Variants in VSNL1 observed in about 807,000 individuals in gnomAD.
VSNL1 encodes visinin like 1, also known as visinin-like protein 1.
Under a neutral mutation model 20.4 loss-of-function variants are expected in VSNL1, and 6 were observed. The ratio of observed to expected loss-of-function variants is 0.29; its 90% CI spans 0.16 to 0.58. The LOEUF (loss-of-function observed/expected upper bound fraction) is 0.58, where lower values mean the gene tolerates loss of function less well. Among genes scored for constraint, VSNL1 ranks in the 20% least tolerant of loss-of-function variants. The pLI is 0.90. For missense variants in VSNL1, 100 were observed against 234.5 expected, an observed-to-expected ratio of 0.43 and a Z score of 3.75; for synonymous variants, 93 against 86.4, an observed-to-expected ratio of 1.08 and a Z score of -0.42.
At chr2:17,652,351 T>C (rs1666139935) in intron 3 of VSNL1, among the ~76,000 whole-genome samples, 1 of 152,084 alleles carries the variant, frequency 6.6e-6, no homozygotes, top group African/African-American at 2.4e-5. Context: ...AAACACACTG[T>C]TTTGTGGGGA....
At chr2:17,647,589 G>A (rs774321046) in intron 2 of VSNL1, among the ~76,000 whole-genome samples, 2 of 152,172 alleles carry the variant, frequency 1.3e-5, no homozygotes, top group Non-Finnish European at 2.9e-5. Flanking sequence ...CTGTCCTCAG[G>A]TACCAAGCAC....
chr2:17,648,942 G>A (rs1443388362), intron 2 of VSNL1, among the ~76,000 whole-genome samples: 1 of 152,228 alleles, frequency 6.6e-6, no homozygotes, highest in Non-Finnish European at 1.5e-5. Context: ...CAGGACGAGG[G>A]CTGGTGGCAG....
chr2:17,607,023 A>G (rs2555085), intron 2 of VSNL1, among the ~76,000 whole-genome samples: 1,856 of 152,286 alleles, frequency 0.012, 35 homozygotes, highest in African/African-American at 0.043. Context: ...CAGAGTAGAA[A>G]GGGACTGGGA....
chr2:17,583,689 G>A (rs1011876313), intron 1 of VSNL1, among the ~76,000 whole-genome samples: 8 of 152,350 alleles, frequency 5.3e-5, no homozygotes, highest in African/African-American at 1.9e-4. Flanking sequence ...TTGATGCTTA[G>A]TTGGGGCTGT....
intron 2 of VSNL1, among the ~76,000 whole-genome samples, chr2:17,648,315 G>A (rs1666041918): frequency 6.6e-6 from 1 of 152,220 alleles, no homozygotes; most frequent in African/African-American, 2.4e-5. Flanking sequence ...GCAGGACCCA[G>A]GTCAGGATGC....
At chr2:17,542,448 G>A (rs564308367) in intron 1 of VSNL1, among the ~76,000 whole-genome samples, 1 of 152,266 alleles carries the variant, frequency 6.6e-6, no homozygotes, top group East Asian at 1.9e-4. Context: ...CCCTCAAATC[G>A]GGTGTGGGGG....
intron 2 of VSNL1, among the ~76,000 whole-genome samples, chr2:17,641,978 C>T (rs943645916): frequency 6.6e-6 from 1 of 152,198 alleles, no homozygotes; most frequent in African/African-American, 2.4e-5. Context: ...AAAAATTTTA[C>T]TTCCAGAATC....
At chr2:17,595,074 A>G (rs922084620) in intron 2 of VSNL1, among the ~76,000 whole-genome samples, 1 of 152,156 alleles carries the variant, frequency 6.6e-6, no homozygotes, top group Non-Finnish European at 1.5e-5. Context: ...TCCACCATAC[A>G]GCTGCTGGAG....
intron 2 of VSNL1, among the ~76,000 whole-genome samples, chr2:17,626,591 A>G (rs1302286692): frequency 8.8e-6 from 1 of 113,742 alleles, no homozygotes; most frequent in Non-Finnish European, 1.6e-5. Context: ...TCTGCAGAGG[A>G]GCAAAGAGAA....
chr2:17,602,829 G>A (rs985167010), intron 2 of VSNL1, among the ~76,000 whole-genome samples: 3 of 151,948 alleles, frequency 2.0e-5, no homozygotes, highest in Non-Finnish European at 4.4e-5. Flanking sequence ...TAGTAATAGA[G>A]AAGCTATTAG....
At chr2:17,637,205 G>A (rs180808525) in intron 2 of VSNL1, among the ~76,000 whole-genome samples, 11 of 152,330 alleles carry the variant, frequency 7.2e-5, no homozygotes, top group Non-Finnish European at 1.5e-4. Context: ...GGGGAGCCCG[G>A]AGAGCCTGTC....
At chr2:17,555,037 A>G (rs1663640261) in intron 1 of VSNL1, among the ~76,000 whole-genome samples, 1 of 148,282 alleles carries the variant, frequency 6.7e-6, no homozygotes, top group African/African-American at 2.4e-5. Flanking sequence ...TACCACTTAA[A>G]GGAAAATCTT....
In VSNL1 at chr2:17,649,784, A is replaced by G. The variant is rs1666085356; in HGVS notation, c.378+159A>G. Among the ~76,000 whole-genome samples the G allele has an allele frequency of 6.6e-6, 1 of 152,180 alleles. No homozygotes were observed. The highest frequency in any genetic ancestry group is 1.5e-5 in the Non-Finnish European group (1 of 68,028). ...CCTGCTTCTGTCCCCGCTGCAGCACAGTGCTGGGGAGGTCCCAGAACCAAG... is the reference window on the plus strand; with the variant it reads ...CCTGCTTCTGTCCCCGCTGCAGCACGGTGCTGGGGAGGTCCCAGAACCAAG... On this transcript the variant is annotated intron_variant, in intron 3 of 3. Coordinates refer to ENST00000295156, the MANE Select transcript of VSNL1 (RefSeq NM_003385.5). This position sits in a 1 kb window ranked among gnomAD's most constrained non-coding sequence, Gnocchi z 6.4.
At chr2:17,621,245 TTTTC>T (rs889002224) in intron 2 of VSNL1, among the ~76,000 whole-genome samples, 142 of 151,674 alleles carry the variant, frequency 9.4e-4, no homozygotes, top group African/African-American at 2.5e-3. Flanking sequence ...CTTTCCTTCT[TTTTC>T]TTTCTTTCTT....
intron 2 of VSNL1, among the ~76,000 whole-genome samples, chr2:17,621,312 CCTTTT>C (rs969607277): frequency 4.2e-5 from 6 of 144,000 alleles, no homozygotes; most frequent in South Asian, 4.5e-4. Context: ...CTTTCTTTCT[CCTTTT>C]CTTTTCTCTT....
chr2:17,598,754 G>A (rs778451055), intron 2 of VSNL1, among the ~76,000 whole-genome samples: 5 of 152,154 alleles, frequency 3.3e-5, no homozygotes, highest in Admixed American at 6.5e-5. Flanking sequence ...TCTAACCATT[G>A]GCAGACGTAA....
chr2:17,589,982 C>CATAG (rs1664562681), intron 1 of VSNL1, among the ~76,000 whole-genome samples: 1 of 152,162 alleles, frequency 6.6e-6, no homozygotes, highest in Admixed American at 6.5e-5. Flanking sequence ...GTCTTTCATC[C>CATAG]ACCAGTCTAT....
intron 2 of VSNL1, 93 bp downstream of exon 2, chr2:17,592,329 A>G: frequency 7.4e-7 from 1 of 1,359,942 alleles, no homozygotes; most frequent in Non-Finnish European, 1.0e-6. Flanking sequence ...AACTCTAAGT[A>G]GCTAGTTTGT....
Position 17,655,311 on chromosome 2 carries a change from C to A in VSNL1, c.493C>A (p.Gln165Lys), listed in dbSNP as rs369837808. ...FSKMDKNKDDQITLDEFKEAA... is the reference protein window; with the variant it reads ...FSKMDKNKDDKITLDEFKEAA... Reference sequence around the variant, plus strand: ...CAAGATGGATAAGAACAAAGATGACCAGATTACACTGGATGAATTCAAAGA... The same window carrying A: ...CAAGATGGATAAGAACAAAGATGACAAGATTACACTGGATGAATTCAAAGA... Residue 165 changes from glutamine (Q) to lysine (K), a missense_variant, in exon 4 of 4, where the codon CAG becomes AAG. Gln to Lys is a moderately conservative substitution (Grantham distance 53). Coordinates refer to ENST00000295156, the MANE Select transcript of VSNL1 (RefSeq NM_003385.5). The surrounding 1 kb of genome is among the most constrained non-coding windows in gnomAD (Gnocchi z 5.2). 2.5e-6 allele frequency: 4 copies of A among 1,614,074 alleles called. No individual in the cohort carries two copies.
Sources: allele counts gnomAD v4.1 joint callset (sites outside exome capture counted in the v4.1 genomes callset), GRCh38; gene constraint gnomAD v4.1.1; non-coding constraint Gnocchi (gnomAD v3.1); transcripts MANE v1.5; gene names NCBI Gene and HGNC (gene_info 2026-07-23, HGNC 2026-07-21).